Variants in VOPP1 observed in about 807,000 individuals in gnomAD.
VOPP1 encodes the protein VOPP1 WW domain binding protein.
VOPP1 carries 8 observed loss-of-function variants against 23.5 expected under a neutral mutation model. That is an observed-to-expected ratio of 0.34 (90% CI 0.20 to 0.61). The LOEUF is 0.61. VOPP1 is among the 20% of genes least tolerant of loss of function. VOPP1 has a pLI of 0.78. For synonymous variants in VOPP1, 83 were observed against 97.3 expected (o/e 0.85, Z 0.86); for missense variants, 174 against 238.1 (o/e 0.73, Z 1.77).
At chr7:55,488,724 G>C (rs1228388001) in intron 4 of VOPP1, among the ~76,000 whole-genome samples, 1 of 151,658 alleles carries the variant, frequency 6.6e-6, no homozygotes, top group African/African-American at 2.4e-5. Context: ...AAATCCCTCT[G>C]CTTTTTCATC....
chr7:55,528,618 G>A lies in VOPP1; in HGVS notation c.55-7488C>T, dbSNP rs542096070. Among the ~76,000 whole-genome samples, 201 of 152,118 alleles carry A rather than the reference G, an allele frequency of 1.3e-3. 1 individual carries two copies. The highest frequency in any genetic ancestry group is 4.7e-3 in the African/African-American group (193 of 41,504). Reference sequence around the variant, plus strand: ...GAAAAATCACTTGAACCCGGGAGGCGGAGGTTGCAGTGAGCTGAGATCGCA... The same window carrying A: ...GAAAAATCACTTGAACCCGGGAGGCAGAGGTTGCAGTGAGCTGAGATCGCA... On this transcript the variant is annotated intron_variant, in intron 1 of 4. Transcript: ENST00000285279.
At chr7:55,481,286 G>A (rs1213570506) in intron 4 of VOPP1, among the ~76,000 whole-genome samples, 1 of 152,224 alleles carries the variant, frequency 6.6e-6, no homozygotes. Flanking sequence ...GAGGGGTGCT[G>A]AGAGAAGAGA....
intron 1 of VOPP1, among the ~76,000 whole-genome samples, chr7:55,552,472 C>G (rs1250394699): frequency 6.6e-6 from 1 of 151,816 alleles, no homozygotes; most frequent in African/African-American, 2.4e-5. Flanking sequence ...ATTAGACACC[C>G]ATTATTTTTC....
chr7:55,474,907 G>T (rs1417000641), intron 4 of VOPP1, among the ~76,000 whole-genome samples: 1 of 152,260 alleles, frequency 6.6e-6, no homozygotes. Context: ...AGGGCAGCAA[G>T]GGGTGGGAGA....
intron 1 of VOPP1, among the ~76,000 whole-genome samples, chr7:55,536,346 T>C (rs1796788307): frequency 6.6e-6 from 1 of 152,054 alleles, no homozygotes; most frequent in Admixed American, 6.6e-5. Flanking sequence ...CTGGCCAACA[T>C]GGTGAAACCC....
intron 2 of VOPP1, among the ~76,000 whole-genome samples, 151 bp from the exon 3 acceptor site, chr7:55,497,841 G>A (rs867943736): frequency 1.2e-4 from 18 of 152,252 alleles, no homozygotes; most frequent in African/African-American, 4.1e-4. Context: ...GCATTTCACA[G>A]AACCAGCAGA....
intron 3 of VOPP1, among the ~76,000 whole-genome samples, chr7:55,496,010 C>T (rs1793925470): frequency 6.6e-6 from 1 of 152,192 alleles, no homozygotes; most frequent in African/African-American, 2.4e-5. Flanking sequence ...GACAGGTGAC[C>T]CTGGCCAGCA....
At chr7:55,469,587 G>A (rs1295699514), downstream of VOPP1, among the ~76,000 whole-genome samples, 1 of 152,212 alleles carries the variant, frequency 6.6e-6, no homozygotes, top group Non-Finnish European at 1.5e-5. Flanking sequence ...AGCTGCAAGG[G>A]TGCAGAATAA....
Position 55,562,006 on chromosome 7 carries a change from G to C in VOPP1, c.54+10265C>G, listed in dbSNP as rs191223147. 1.1e-5 allele frequency: 8 copies of C among 703,558 alleles called. No individual in the cohort carries two copies. In the African/African-American group the frequency reaches 1.4e-4, roughly 12 times the overall value. The allele number at this position is 703,558 out of a possible 1,614,324, so 43.6% of individuals were successfully genotyped here. ...GTAGTCGGTTCAGTCTGCTGTACTG[G>C]ATGAAGACTTCTGATCCTCATCTAT... On this transcript the variant is annotated intron_variant, in intron 1 of 4. Coordinates refer to ENST00000285279, the MANE Select transcript of VOPP1 (RefSeq NM_030796.5).
chr7:55,448,832 G>A (rs1791168110), intron 4 of VOPP1, among the ~76,000 whole-genome samples: 1 of 152,230 alleles, frequency 6.6e-6, no homozygotes, highest in Admixed American at 6.5e-5. Flanking sequence ...CATTGCCACC[G>A]CAGCCACGCG....
intron 2 of VOPP1, chr7:55,516,036 T>C: frequency 1.0e-6 from 1 of 985,392 alleles, no homozygotes; most frequent in Non-Finnish European, 1.2e-6. Flanking sequence ...AAGCAGAAGC[T>C]CAACTCGAGG....
chr7:55,570,176 T>C (rs1006700569), intron 1 of VOPP1, among the ~76,000 whole-genome samples: 2 of 152,106 alleles, frequency 1.3e-5, no homozygotes, highest in Non-Finnish European at 2.9e-5. Context: ...TCACAGGTAT[T>C]CATCAGAGCA....
At chr7:55,536,982 AC>A (rs1229566374) in intron 1 of VOPP1, among the ~76,000 whole-genome samples, 1 of 152,200 alleles carries the variant, frequency 6.6e-6, no homozygotes, top group Non-Finnish European at 1.5e-5. Context: ...CTCCCTGGCC[AC>A]AAAACCTGAG....
chr7:55,489,564 T>C (rs1453236610), intron 4 of VOPP1, among the ~76,000 whole-genome samples: 1 of 152,182 alleles, frequency 6.6e-6, no homozygotes, highest in Non-Finnish European at 1.5e-5. Context: ...GTGCTGGAGC[T>C]GTGCATGCAG....
At chr7:55,532,791 T>C (rs1796570473) in intron 1 of VOPP1, among the ~76,000 whole-genome samples, 1 of 152,174 alleles carries the variant, frequency 6.6e-6, no homozygotes, top group Non-Finnish European at 1.5e-5. Context: ...CGTGTACTCC[T>C]CTCATTCCTT....
chr7:55,519,025 G>C (rs1465173108), intron 2 of VOPP1, among the ~76,000 whole-genome samples: 2 of 152,134 alleles, frequency 1.3e-5, no homozygotes, highest in Non-Finnish European at 2.9e-5. Context: ...GGTGGGGCTG[G>C]GGTTTCCTGG....
At chr7:55,498,904 G>A (rs1487434989) in intron 2 of VOPP1, among the ~76,000 whole-genome samples, 1 of 152,142 alleles carries the variant, frequency 6.6e-6, no homozygotes, top group Non-Finnish European at 1.5e-5. Flanking sequence ...TCCTGGAGGT[G>A]GTGCTGCCTC....
In VOPP1 at chr7:55,487,408, G is replaced by A. The variant is rs111425959; in HGVS notation, c.328+4874C>T. On this transcript the variant is annotated intron_variant, in intron 4 of 4. Transcript: ENST00000285279. ...CCACAGATTTCACTGACTGTCCTCC[G>A]CAATCTCTCTCTATGTATCTGTGGA... Among the ~76,000 whole-genome samples the A allele has an allele frequency of 7.3e-3, 1,112 of 152,284 alleles. 15 individuals carry two copies. The highest frequency in any genetic ancestry group is 0.013 in the South Asian group (62 of 4,828).
chr7:55,572,240 C>T lies in VOPP1; in HGVS notation c.54+31G>A, dbSNP rs181575462. ...AGCCGCCAGCATGGTGGGCGCCGCG[C>T]CTCCGGCAGCACCCGGTCCCCGGCC... is the stretch of plus-strand genomic sequence containing the variant. On this transcript the variant is annotated intron_variant, in intron 1 of 4. Coordinates refer to ENST00000285279, the MANE Select transcript of VOPP1 (RefSeq NM_030796.5). The T allele has an allele frequency of 3.7e-3, 5,552 of 1,507,086 alleles. 168 individuals are homozygous for T. In the African/African-American group the frequency reaches 0.071, roughly 19 times the overall value. The allele number at this position is 1,507,086 out of a possible 1,614,324, so 93.4% of individuals were successfully genotyped here.
Sources: gnomAD v4.1 joint callset for allele counts (sites outside exome capture counted in the v4.1 genomes callset) on GRCh38, gnomAD v4.1.1 for gene constraint, MANE v1.5 for transcripts, NCBI Gene and HGNC (gene_info 2026-07-23, HGNC 2026-07-21) for gene names.